UMPS: variants seen among roughly 807,000 people sequenced by gnomAD.
UMPS encodes uridine 5'-monophosphate synthase.
A neutral mutation model predicts 38.9 loss-of-function variants in UMPS; 21 were observed. The observed-to-expected ratio is 0.54, with a 90% confidence interval of 0.38 to 0.78. The LOEUF (loss-of-function observed/expected upper bound fraction) is 0.78. UMPS is among the 30% of genes least tolerant of loss of function. The pLI is 0.00. For synonymous variants in UMPS, 208 were observed against 219.3 expected (o/e 0.95, Z 0.45); for missense variants, 533 against 591.6 (o/e 0.90, Z 1.03).
chr3:124,732,967 G>GGTGTCTGT (rs1553747998), intron 1 of UMPS, among the ~76,000 whole-genome samples: 3 of 147,624 alleles, frequency 2.0e-5, no homozygotes, highest in Non-Finnish European at 4.5e-5. Flanking sequence ...ACTAGATCAT[G>GGTGTCTGT]GTGTGTGTGT....
intron 1 of UMPS, among the ~76,000 whole-genome samples, chr3:124,734,615 G>A (rs2063504586): frequency 6.6e-6 from 1 of 152,126 alleles, no homozygotes; most frequent in African/African-American, 2.4e-5. Context: ...TTTATGGAGA[G>A]GGTAATAAAA....
rs953113601 is a variant in UMPS at position 124,746,544 on chromosome 3, G to A, written c.*2460G>A. 6.2e-5 allele frequency: 28 copies of A among 454,002 alleles called. No individual in the cohort carries two copies. Among genetic ancestry groups the A allele is most frequent in the Non-Finnish European group, 1.2e-4 (27 of 226,796 alleles). 28.1% of individuals were successfully genotyped at this position (454,002 alleles called of 1,614,324 possible). The stretch of plus-strand genomic sequence containing the variant: ...CTGTTCTTCAGCATTGAAGTATTTT[G>A]GAGGCATTAGATAGTTTAACCCTTT... On this transcript the variant is annotated 3_prime_UTR_variant, in exon 6 of 6. Coordinates refer to ENST00000232607, the MANE Select transcript of UMPS (RefSeq NM_000373.4).
chr3:124,747,906 G>A lies in UMPS; in HGVS notation c.*3822G>A. The A allele has an allele frequency of 2.2e-6, 1 of 453,874 alleles. No homozygotes were observed. The highest frequency in any genetic ancestry group is 4.4e-6 in the Non-Finnish European group (1 of 226,642). 28.1% of individuals were successfully genotyped at this position (453,874 alleles called of 1,614,324 possible). A position where few individuals can be genotyped will look rare whatever the true frequency, so the allele number is the denominator to read the frequency against. ...ATTGAAAATGACCATGAGTAACCCT[G>A]TGGACTCTCTGCAGCTTGGTTCCTT... is the stretch of plus-strand genomic sequence containing the variant. On this transcript the variant is annotated 3_prime_UTR_variant, in exon 6 of 6. Coordinates refer to ENST00000232607, the MANE Select transcript of UMPS (RefSeq NM_000373.4).
chr3:124,740,215 A>C lies in UMPS; in HGVS notation c.1158+16A>C, dbSNP rs773237531. On this transcript the variant is annotated intron_variant, in intron 4 of 5. Coordinates refer to ENST00000232607, the MANE Select transcript of UMPS (RefSeq NM_000373.4). The stretch of plus-strand genomic sequence containing the variant: ...TAGAGCAGCGGTAAGTGGTGGGGGG[A>C]CTGGGTGAGAGGGGGCAGGGGCTGC... 4.3e-5 allele frequency: 68 copies of C among 1,597,932 alleles called. 1 individual carries two copies. In the Middle Eastern group the frequency reaches 3.0e-3, roughly 69 times the overall value.
chr3:124,741,747 C>G (rs1378055834), intron 4 of UMPS, among the ~76,000 whole-genome samples: 1 of 152,132 alleles, frequency 6.6e-6, no homozygotes, highest in African/African-American at 2.4e-5. Context: ...TATAGGATTT[C>G]TGCTTTACGT....
chr3:124,742,908 C>T (rs668471), intron 5 of UMPS, among the ~76,000 whole-genome samples: 78,294 of 151,956 alleles, frequency 0.52, 20,435 homozygotes, highest in Admixed American at 0.59. Flanking sequence ...TTCTTTGCAA[C>T]ATATGAGTTT....
Position 124,737,636 on chromosome 3 carries a change from A to T in UMPS, c.379A>T (p.Thr127Ser). The change falls in exon 3 of 6, where the codon ACC (threonine) becomes TCC (serine). Residue 127 changes from threonine (T) to serine (S), a missense_variant. Coordinates refer to ENST00000232607, the MANE Select transcript of UMPS (RefSeq NM_000373.4). The stretch of plus-strand genomic sequence containing the variant: ...CTGTTTAATCATTGAAGATGTTGTC[A>T]CCAGTGGATCTAGTGTTTTGGAAAC... Reference protein sequence around the residue: ...ETCLIIEDVVTSGSSVLETVE... With the variant: ...ETCLIIEDVVSSGSSVLETVE... 1 of 1,614,242 alleles carries T rather than the reference A, an allele frequency of 6.2e-7. No homozygotes were observed. Among genetic ancestry groups the T allele is most frequent in the Non-Finnish European group, 8.5e-7 (1 of 1,180,046 alleles).
intron 5 of UMPS, among the ~76,000 whole-genome samples, chr3:124,743,688 C>G (rs1579137949): frequency 6.6e-6 from 1 of 151,966 alleles, no homozygotes; most frequent in African/African-American, 2.4e-5. Context: ...ATAAAATAAA[C>G]TTTACCATTG....
rs1387798628 is a variant in UMPS at position 124,748,120 on chromosome 3, AAAT to A, written c.*4041_*4043del. 7.9e-6 allele frequency: 3 copies of A among 381,800 alleles called. No individual in the cohort carries two copies. The highest frequency in any genetic ancestry group is 1.5e-5 in the Non-Finnish European group (3 of 201,442). 23.7% of individuals were successfully genotyped at this position (381,800 alleles called of 1,614,324 possible). A position where few individuals can be genotyped will look rare whatever the true frequency, so the allele number is the denominator to read the frequency against. On this transcript the variant is annotated 3_prime_UTR_variant, in exon 6 of 6. Coordinates refer to ENST00000232607, the MANE Select transcript of UMPS (RefSeq NM_000373.4). ...AGATATAATATATAATAGTATATAT[AAAT>A]AATACTATATTGCCCAGGCTGGTCT...
intron 2 of UMPS, 44 bp from the exon 3 acceptor site, chr3:124,737,524 A>G (rs776652559): frequency 3.2e-5 from 50 of 1,561,286 alleles, no homozygotes; most frequent in South Asian, 4.5e-5. Flanking sequence ...GCACATATAC[A>G]TACATATTTA....
chr3:124,736,383 A>G (rs562270798), intron 2 of UMPS, among the ~76,000 whole-genome samples: 4 of 152,250 alleles, frequency 2.6e-5, no homozygotes, highest in African/African-American at 7.2e-5. Context: ...TCTTCTACAG[A>G]TGCATTCTGA....
chr3:124,745,667 A>C lies in UMPS; in HGVS notation c.*1583A>C, dbSNP rs1486520156. 2 of 454,090 alleles carry C rather than the reference A, an allele frequency of 4.4e-6. No homozygotes were observed. Among genetic ancestry groups the C allele is most frequent in the South Asian group, 3.1e-5 (2 of 64,474 alleles). The allele number at this position is 454,090 out of a possible 1,614,324, so 28.1% of individuals were successfully genotyped here. ...ACCAACTCTCAAGGAAGAAGTGGCC[A>C]CAGAAGGAGCAGGAAGGGAGTTGGC... On this transcript the variant is annotated 3_prime_UTR_variant, in exon 6 of 6. Transcript: ENST00000232607.
At position 124,738,178 on chromosome 3, in the gene UMPS, C is replaced by T; in HGVS notation, c.921C>T (p.Phe307=). 2 of 1,614,098 alleles carry T rather than the reference C, an allele frequency of 1.2e-6. No individual in the cohort carries two copies. The highest frequency in any genetic ancestry group is 1.7e-6 in the Non-Finnish European group (2 of 1,180,030). ...ELITLAKCHE[F]LIFEDRKFAD... Reference sequence around the variant, plus strand: ...TAACTCTGGCAAAATGCCATGAGTTCTTGATATTTGAAGACCGGAAGTTTG... The same window carrying T: ...TAACTCTGGCAAAATGCCATGAGTTTTTGATATTTGAAGACCGGAAGTTTG... Residue 307 remains phenylalanine, a synonymous_variant, in exon 3 of 6, where the codon TTC becomes TTT. Coordinates refer to ENST00000232607, the MANE Select transcript of UMPS (RefSeq NM_000373.4).
At position 124,744,201 on chromosome 3, in the gene UMPS, T is replaced by C; in HGVS notation, c.*117T>C. 1 of 1,222,324 alleles carries C rather than the reference T, an allele frequency of 8.2e-7. No homozygotes were observed. Among genetic ancestry groups the C allele is most frequent in the Non-Finnish European group, 1.2e-6 (1 of 851,004 alleles). The allele number at this position is 1,222,324 out of a possible 1,614,324, so 75.7% of individuals were successfully genotyped here. On this transcript the variant is annotated 3_prime_UTR_variant, in exon 6 of 6. Transcript: ENST00000232607. The stretch of plus-strand genomic sequence containing the variant: ...CCTGCTTGGATTCTTCCACAGGGCC[T>C]GTGTAAGAATGGGTTCTGGAGTTCT...
At chr3:124,731,880 G>GA (rs61322671) in intron 1 of UMPS, among the ~76,000 whole-genome samples, 36,452 of 121,280 alleles carry the variant, frequency 0.3, 5,128 homozygotes, top group East Asian at 0.43. Context: ...GACTGTCTCA[G>GA]AAAAAAAAAA....
At chr3:124,739,498 A>T (rs558253229) in intron 3 of UMPS, among the ~76,000 whole-genome samples, 3 of 151,642 alleles carry the variant, frequency 2.0e-5, no homozygotes, top group South Asian at 4.2e-4. Flanking sequence ...CACCTAGCTA[A>T]TTTTTTTGTA....
At position 124,743,899 on chromosome 3, in the gene UMPS, T is replaced by A. The variant is rs764041853; in HGVS notation, c.1274-16T>A. The A allele has an allele frequency of 2.4e-5, 39 of 1,613,764 alleles. No homozygotes were observed. The highest frequency in any genetic ancestry group is 1.6e-4 in the Middle Eastern group (1 of 6,084). On this transcript the variant is annotated splice_polypyrimidine_tract_variant and intron_variant, in intron 5 of 5. Transcript: ENST00000232607. The stretch of plus-strand genomic sequence containing the variant: ...TTTTGTATTATGTGAAACAACAATT[T>A]TTGTGTTTCTTGCAGGAGATAATCT...
chr3:124,730,839 GA>G (rs1334233948), intron 1 of UMPS, among the ~76,000 whole-genome samples: 9 of 152,174 alleles, frequency 5.9e-5, no homozygotes, highest in Non-Finnish European at 1.2e-4. Context: ...CACACGCTTA[GA>G]CACGTGTTTT....
intron 2 of UMPS, among the ~76,000 whole-genome samples, chr3:124,736,627 C>A (rs1327410844): frequency 6.6e-6 from 1 of 152,006 alleles, no homozygotes; most frequent in Non-Finnish European, 1.5e-5. Context: ...TAAAAAAAAA[C>A]TGTATGAATC....
Sources: allele counts gnomAD v4.1 joint callset (sites outside exome capture counted in the v4.1 genomes callset), GRCh38; gene constraint gnomAD v4.1.1; transcripts MANE v1.5; gene names NCBI Gene and HGNC (gene_info 2026-07-23, HGNC 2026-07-21).